The following COL25A1 variants were observed in gnomAD, a reference collection of about 807,000 sequenced individuals.
The protein encoded by COL25A1 is collagen type XXV alpha 1 chain, also known as collagen alpha-1(XXV) chain.
Under a neutral mutation model 128.4 loss-of-function variants are expected in COL25A1, and 103 were observed. The ratio of observed to expected loss-of-function variants is 0.80; its 90% CI spans 0.68 to 0.94. COL25A1 has a LOEUF of 0.94. Among genes scored for constraint, COL25A1 ranks in the 40% least tolerant of loss-of-function variants. COL25A1 has a pLI of 0.00. For synonymous variants in COL25A1, 279 were observed against 277.2 expected, an observed-to-expected ratio of 1.01 and a Z score of -0.06; for missense variants, 745 against 840.0, an observed-to-expected ratio of 0.89 and a Z score of 1.40.
intron 3 of COL25A1, among the ~76,000 whole-genome samples, chr4:109,137,249 A>G (rs942456184): frequency 6.6e-6 from 1 of 152,220 alleles, no homozygotes; most frequent in African/African-American, 2.4e-5. Context: ...CCTATTTGCA[A>G]TTTTAGACAT....
chr4:108,867,893 T>TA (rs1374661539), intron 20 of COL25A1, among the ~76,000 whole-genome samples: 7 of 152,056 alleles, frequency 4.6e-5, no homozygotes, highest in Admixed American at 3.3e-4. Context: ...TATATATATA[T>TA]TTTTTTGCAT....
chr4:109,101,825 C>T (rs991995030), intron 3 of COL25A1, among the ~76,000 whole-genome samples: 2 of 152,158 alleles, frequency 1.3e-5, no homozygotes, highest in Non-Finnish European at 2.9e-5. Context: ...CTTGGGCCCC[C>T]CTTTCACACA....
intron 3 of COL25A1, among the ~76,000 whole-genome samples, chr4:109,083,995 T>C (rs1369694837): frequency 1.3e-5 from 2 of 152,168 alleles, no homozygotes; most frequent in African/African-American, 4.8e-5. Context: ...ATGTAGCATT[T>C]TGTTTTGTTT....
intron 31 of COL25A1, among the ~76,000 whole-genome samples, chr4:108,833,678 G>A (rs1348491292): frequency 6.6e-6 from 1 of 152,134 alleles, no homozygotes; most frequent in Non-Finnish European, 1.5e-5. Context: ...AGAGCTTTGT[G>A]ATAAGAAAGA....
intron 6 of COL25A1, among the ~76,000 whole-genome samples, chr4:109,009,135 C>G (rs967710203): frequency 1.3e-5 from 2 of 152,104 alleles, no homozygotes; most frequent in African/African-American, 4.8e-5. Context: ...AAAAACAAAA[C>G]AAAACAAAAC....
chr4:108,989,969 T>A (rs1184118788), intron 6 of COL25A1, among the ~76,000 whole-genome samples: 1 of 151,758 alleles, frequency 6.6e-6, no homozygotes, highest in Admixed American at 6.6e-5. Flanking sequence ...TGCCAACACT[T>A]TGGGATGCCA....
At chr4:109,071,192 G>A (rs1253528962) in intron 3 of COL25A1, among the ~76,000 whole-genome samples, 1 of 152,070 alleles carries the variant, frequency 6.6e-6, no homozygotes, top group Admixed American at 6.6e-5. Flanking sequence ...AACAAGAAAT[G>A]GGGAAAGGAT....
intron 3 of COL25A1, among the ~76,000 whole-genome samples, chr4:109,141,891 T>C (rs1770440543): frequency 6.6e-6 from 1 of 152,246 alleles, no homozygotes; most frequent in Non-Finnish European, 1.5e-5. Context: ...CTGGATTAAC[T>C]GATTTTTTGA....
intron 3 of COL25A1, among the ~76,000 whole-genome samples, chr4:109,133,714 CA>C (rs967133161): frequency 1.3e-5 from 2 of 152,088 alleles, no homozygotes; most frequent in African/African-American, 4.8e-5. Context: ...AGTAGGCACT[CA>C]AAAAATATTT....
intron 11 of COL25A1, among the ~76,000 whole-genome samples, chr4:108,927,679 G>A (rs1201485249): frequency 6.6e-6 from 1 of 152,124 alleles, no homozygotes; most frequent in African/African-American, 2.4e-5. Context: ...TTTTTTAAAA[G>A]AGTAAATTCT....
chr4:108,905,849 T>A (rs1578722503), intron 13 of COL25A1, among the ~76,000 whole-genome samples: 1 of 97,544 alleles, frequency 1.0e-5, no homozygotes, highest in Non-Finnish European at 2.1e-5. Context: ...GAGCAGTATG[T>A]CGGGGGGGGG....
intron 3 of COL25A1, among the ~76,000 whole-genome samples, chr4:109,157,678 T>C (rs1340156031): frequency 6.6e-6 from 1 of 152,242 alleles, no homozygotes. Context: ...TTTTATTTCA[T>C]ATTTATTTAT....
At chr4:109,098,477 A>G (rs1259488090) in intron 3 of COL25A1, among the ~76,000 whole-genome samples, 1 of 152,250 alleles carries the variant, frequency 6.6e-6, no homozygotes, top group Non-Finnish European at 1.5e-5. Context: ...AAGTGCTCAT[A>G]TGAGAGTAAA....
intron 3 of COL25A1, among the ~76,000 whole-genome samples, chr4:109,249,276 T>A (rs552272021): frequency 6.6e-6 from 1 of 152,318 alleles, no homozygotes; most frequent in Non-Finnish European, 1.5e-5. Flanking sequence ...CGTCATCTCC[T>A]AATAGACTAT....
At chr4:109,127,613 C>A (rs930783089) in intron 3 of COL25A1, among the ~76,000 whole-genome samples, 7 of 152,032 alleles carry the variant, frequency 4.6e-5, no homozygotes, top group African/African-American at 1.4e-4. Flanking sequence ...CAAGTGTGAG[C>A]CACCGCGCCT....
chr4:109,089,814 C>T (rs1249590185), intron 3 of COL25A1, among the ~76,000 whole-genome samples: 1 of 152,038 alleles, frequency 6.6e-6, no homozygotes, highest in Admixed American at 6.6e-5. Flanking sequence ...CCATGCTGCC[C>T]AGATTTGTCT....
chr4:109,142,332 T>C (rs1770491930), intron 3 of COL25A1, among the ~76,000 whole-genome samples: 1 of 152,162 alleles, frequency 6.6e-6, no homozygotes. Flanking sequence ...GTGTTTTACT[T>C]CCAATTATGT....
At chr4:109,136,612 C>G (rs1193541423) in intron 3 of COL25A1, among the ~76,000 whole-genome samples, 3 of 152,174 alleles carry the variant, frequency 2.0e-5, no homozygotes, top group Admixed American at 6.5e-5. Context: ...ATTTCAGGAA[C>G]TGAAAAGGTT....
At chr4:109,064,558 C>T (rs182275980) in intron 3 of COL25A1, among the ~76,000 whole-genome samples, 3 of 152,250 alleles carry the variant, frequency 2.0e-5, no homozygotes, top group African/African-American at 4.8e-5. Context: ...CACTCAAATA[C>T]AGTGATTTAA....
Sources: allele counts gnomAD v4.1 joint callset (sites outside exome capture counted in the v4.1 genomes callset), GRCh38; gene constraint gnomAD v4.1.1; transcripts MANE v1.5; gene names NCBI Gene and HGNC (gene_info 2026-07-23, HGNC 2026-07-21).